Variants in HMGCLL1 observed in about 807,000 individuals in gnomAD.
HMGCLL1 encodes the protein 3-hydroxymethyl-3-methylglutaryl-CoA lyase, cytoplasmic.
Under a neutral mutation model 39.1 loss-of-function variants are expected in HMGCLL1, and 36 were observed. The ratio of observed to expected loss-of-function variants is 0.92; its 90% CI spans 0.71 to 1.22. The LOEUF (loss-of-function observed/expected upper bound fraction) is 1.22. Ranked by LOEUF, HMGCLL1 falls within the 50% of genes most tolerant of loss-of-function variation. The pLI, the probability that HMGCLL1 is intolerant of heterozygous loss-of-function variation, is 0.00. For missense variants in HMGCLL1, 451 were observed against 416.5 expected, an observed-to-expected ratio of 1.08 and a Z score of -0.72; for synonymous variants, 149 against 144.0, an observed-to-expected ratio of 1.03 and a Z score of -0.25.
At position 55,579,048 on chromosome 6, in the gene HMGCLL1, T is replaced by A; in HGVS notation, c.8A>T (p.Asn3Ile). Reference sequence around the variant, plus strand: ...GCAGTGCTTCACCGCGGATGGCACATTCCCCATGGCGGAGCCTGGGGCGGC... The same window carrying A: ...GCAGTGCTTCACCGCGGATGGCACAATCCCCATGGCGGAGCCTGGGGCGGC... The part of the protein sequence containing the change: MG[N>I]VPSAVKHCLS... The change falls in exon 1 of 9, where the codon AAT (asparagine) becomes ATT (isoleucine). Residue 3 changes from asparagine (N) to isoleucine (I), a missense_variant. Coordinates refer to ENST00000274901, the MANE Select transcript of HMGCLL1 (RefSeq NM_001042406.2). 1 of 1,610,590 alleles carries A rather than the reference T, an allele frequency of 6.2e-7. No homozygotes were observed. The highest frequency in any genetic ancestry group is 8.5e-7 in the Non-Finnish European group (1 of 1,178,174).
intron 7 of HMGCLL1, among the ~76,000 whole-genome samples, chr6:55,442,029 A>G (rs1157933485): frequency 1.3e-5 from 2 of 152,092 alleles, no homozygotes; most frequent in African/African-American, 4.8e-5. Context: ...GACTGGAGTT[A>G]TAGAGTTTTG....
Position 55,495,590 on chromosome 6 carries a change from G to T in HMGCLL1, c.624C>A (p.Tyr208Ter). 6.2e-7 allele frequency: 1 copy of T among 1,607,846 alleles called. No individual in the cohort carries two copies. Among genetic ancestry groups the T allele is most frequent in the Non-Finnish European group, 8.5e-7 (1 of 1,177,058 alleles). ...GAGAGATCTCATAACAACCCATGCC[G>T]TACAATCTCTTAGACACCTGTTGAT... ...QKVTEVSKRL[Y>*]GMGCYEISLG... Residue 208 changes from tyrosine (Y) to a stop codon, truncating the protein, a stop_gained, in exon 7 of 9, where the codon TAC becomes TAA. Coordinates refer to ENST00000274901, the MANE Select transcript of HMGCLL1 (RefSeq NM_001042406.2). LOFTEE classifies it high-confidence loss of function.
At chr6:55,617,702 T>G in the HMGCLL1 span, among the ~76,000 whole-genome samples, 1 of 152,098 alleles carries the variant, frequency 6.6e-6, no homozygotes, top group Non-Finnish European at 1.5e-5. Context: ...GTACCACCAC[T>G]TTGGAAAGTG....
chr6:55,525,435 G>A (rs142601195), intron 3 of HMGCLL1, among the ~76,000 whole-genome samples: 24 of 152,044 alleles, frequency 1.6e-4, no homozygotes, highest in Middle Eastern at 3.4e-3. Flanking sequence ...GCATGCTTTC[G>A]TATATGAAAG....
the HMGCLL1 span, among the ~76,000 whole-genome samples, chr6:55,628,185 A>T: frequency 1.7e-4 from 13 of 75,830 alleles, no homozygotes; most frequent in African/African-American, 5.4e-4. Flanking sequence ...CTATATATAT[A>T]ATATATATAT....
intron 1 of HMGCLL1, among the ~76,000 whole-genome samples, chr6:55,546,584 AC>A (rs1172990892): frequency 2.0e-5 from 3 of 152,256 alleles, no homozygotes; most frequent in East Asian, 3.9e-4. Flanking sequence ...TAACTAGCTT[AC>A]ATTTTAGTGC....
At chr6:55,618,772 T>C in the HMGCLL1 span, among the ~76,000 whole-genome samples, 1 of 152,120 alleles carries the variant, frequency 6.6e-6, no homozygotes, top group East Asian at 1.9e-4. Context: ...TAAGAGATTT[T>C]ACTGAAATTT....
the HMGCLL1 span, among the ~76,000 whole-genome samples, chr6:55,644,643 A>G: frequency 1.3e-5 from 2 of 151,978 alleles, no homozygotes; most frequent in Admixed American, 6.6e-5. Context: ...ATCATTGTTT[A>G]TCGAAGAGGC....
chr6:55,631,983 T>A, the HMGCLL1 span, among the ~76,000 whole-genome samples: 1 of 152,130 alleles, frequency 6.6e-6, no homozygotes, highest in Non-Finnish European at 1.5e-5. Context: ...TTTTCTGAAA[T>A]TAGTTTCTAT....
At chr6:55,579,865 A>C (rs1771940920), upstream of HMGCLL1, among the ~76,000 whole-genome samples, 1 of 152,188 alleles carries the variant, frequency 6.6e-6, no homozygotes, top group South Asian at 2.1e-4. Context: ...TTTTTAGTGG[A>C]AGAGAGGGTT....
the HMGCLL1 span, among the ~76,000 whole-genome samples, chr6:55,665,961 G>T: frequency 6.6e-5 from 10 of 151,668 alleles, no homozygotes; most frequent in African/African-American, 2.2e-4. Context: ...AAACCTACAG[G>T]AAGGGCCACA....
chr6:55,558,127 A>C (rs1728624041), intron 1 of HMGCLL1, among the ~76,000 whole-genome samples: 1 of 152,220 alleles, frequency 6.6e-6, no homozygotes, highest in Non-Finnish European at 1.5e-5. Flanking sequence ...ACATACTGGA[A>C]ATGCATAACC....
the HMGCLL1 span, among the ~76,000 whole-genome samples, chr6:55,614,595 T>C: frequency 1.3e-5 from 2 of 152,184 alleles, no homozygotes; most frequent in Non-Finnish European, 2.9e-5. Flanking sequence ...CTTCCGTTTA[T>C]TAAAATTCTG....
chr6:55,590,453 A>G, the HMGCLL1 span, among the ~76,000 whole-genome samples: 143 of 152,280 alleles, frequency 9.4e-4, no homozygotes, highest in African/African-American at 2.3e-3. Flanking sequence ...AAGCCCTAGA[A>G]GAAAACCTAG....
In HMGCLL1 at chr6:55,460,885, C is replaced by T. The variant is rs150604558; in HGVS notation, c.796-21326G>A. Among the ~76,000 whole-genome samples, 83 of 152,000 alleles carry T rather than the reference C, an allele frequency of 5.5e-4. No individual in the cohort carries two copies. The East Asian group carries it at 0.015, about 28-fold the overall frequency. On this transcript the variant is annotated intron_variant, in intron 7 of 8. Transcript: ENST00000274901. ...ACAGTAACTTTTAATGTCAACATTG[C>T]TTATTTATTGTTATAACACTAGCAA...
chr6:55,518,652 C>A (rs4715553), intron 3 of HMGCLL1, among the ~76,000 whole-genome samples: 1 of 151,970 alleles, frequency 6.6e-6, no homozygotes, highest in Admixed American at 6.6e-5. Context: ...TGTAAGAAAG[C>A]CCAAATTAGC....
chr6:55,489,303 A>G (rs1766197810), intron 7 of HMGCLL1, among the ~76,000 whole-genome samples: 1 of 152,106 alleles, frequency 6.6e-6, no homozygotes, highest in Non-Finnish European at 1.5e-5. Flanking sequence ...GTATTTGGTT[A>G]AAAACAAGAT....
At chr6:55,496,656 C>T (rs1766598272) in intron 6 of HMGCLL1, among the ~76,000 whole-genome samples, 1 of 152,022 alleles carries the variant, frequency 6.6e-6, no homozygotes, top group African/African-American at 2.4e-5. Flanking sequence ...CACCAATGAA[C>T]TCATAGGAAG....
chr6:55,499,190 A>G (rs1182648867), intron 6 of HMGCLL1, 46 bp downstream of exon 6: 21 of 1,428,188 alleles, frequency 1.5e-5, no homozygotes, highest in Non-Finnish European at 1.9e-5. Context: ...TAAAAATAAT[A>G]TATATCATGT....
Sources: gnomAD v4.1 joint callset for allele counts (sites outside exome capture counted in the v4.1 genomes callset) on GRCh38, gnomAD v4.1.1 for gene constraint, MANE v1.5 for transcripts, NCBI Gene and HGNC (gene_info 2026-07-23, HGNC 2026-07-21) for gene names.